SNX29: variants seen among roughly 807,000 people sequenced by gnomAD.
SNX29 encodes sorting nexin 29.
Under a neutral mutation model 102.1 loss-of-function variants are expected in SNX29, and 78 were observed. The observed-to-expected ratio is 0.76, with a 90% CI of 0.64 to 0.92. The LOEUF is 0.92. SNX29 is among the 40% of genes least tolerant of loss of function. The probability of loss-of-function intolerance (pLI) is 0.00; values close to 1 mark genes in which losing one functional copy is unlikely to be tolerated. For synonymous variants in SNX29, 580 were observed against 414.5 expected (o/e 1.40, Z -4.85); for missense variants, 1,280 against 1,061.7 (o/e 1.21, Z -2.86).
At chr16:12,443,753 G>A (rs1036986567) in intron 18 of SNX29, among the ~76,000 whole-genome samples, 3 of 152,208 alleles carry the variant, frequency 2.0e-5, no homozygotes, top group African/African-American at 4.8e-5. Context: ...ACCCGGCCAA[G>A]CACGACTTTT....
At chr16:12,477,422 GC>G (rs537809572) in intron 18 of SNX29, among the ~76,000 whole-genome samples, 1 of 152,218 alleles carries the variant, frequency 6.6e-6, no homozygotes, top group Non-Finnish European at 1.5e-5. Context: ...ACACATGACA[GC>G]AACATGAAAC....
At chr16:12,466,573 G>A (rs2087062467) in intron 18 of SNX29, among the ~76,000 whole-genome samples, 1 of 152,172 alleles carries the variant, frequency 6.6e-6, no homozygotes, top group Non-Finnish European at 1.5e-5. Context: ...GAGCGTCTTT[G>A]AAAGGGGCCT....
intron 20 of SNX29, among the ~76,000 whole-genome samples, chr16:12,537,143 C>T (rs1439127969): frequency 6.6e-6 from 1 of 152,132 alleles, no homozygotes; most frequent in East Asian, 1.9e-4. Context: ...ATCTCAGAGG[C>T]TGGGACTCTG....
intron 13 of SNX29, among the ~76,000 whole-genome samples, chr16:12,183,003 T>G (rs2076425573): frequency 6.6e-6 from 1 of 151,928 alleles, no homozygotes; most frequent in Admixed American, 6.6e-5. Context: ...TCATCACTCT[T>G]TTTTCATGGT....
Position 12,432,038 on chromosome 16 carries a change from G to A in SNX29, c.2037+28509G>A, listed in dbSNP as rs146397882. Among the ~76,000 whole-genome samples the A allele has an allele frequency of 4.7e-3, 721 of 152,314 alleles. 9 individuals are homozygous for A. The highest frequency in any genetic ancestry group is 0.017 in the African/African-American group (687 of 41,570). On this transcript the variant is annotated intron_variant, in intron 18 of 20. Coordinates refer to ENST00000566228, the MANE Select transcript of SNX29 (RefSeq NM_032167.5). ...GGCTTAATAAACAGTTCAGCAAATAGCACTTTACTTTTATTCAGCAATGAG... is the reference window on the plus strand; with the variant it reads ...GGCTTAATAAACAGTTCAGCAAATAACACTTTACTTTTATTCAGCAATGAG...
chr16:12,194,022 A>C (rs2076709777), intron 13 of SNX29, among the ~76,000 whole-genome samples: 1 of 152,188 alleles, frequency 6.6e-6, no homozygotes, highest in South Asian at 2.1e-4. Flanking sequence ...CTATATCTAT[A>C]AGAAATCCTG....
chr16:12,311,146 A>G (rs2080528161), intron 15 of SNX29, among the ~76,000 whole-genome samples: 6 of 152,246 alleles, frequency 3.9e-5, no homozygotes, highest in Admixed American at 3.9e-4. Flanking sequence ...TAAAAAATTA[A>G]GCTCTTCATT....
At chr16:12,413,683 C>T (rs1448109611) in intron 18 of SNX29, among the ~76,000 whole-genome samples, 4 of 152,116 alleles carry the variant, frequency 2.6e-5, no homozygotes, top group Non-Finnish European at 4.4e-5. Context: ...CCTGTTGAGT[C>T]GTCTTGGAGG....
intron 18 of SNX29, among the ~76,000 whole-genome samples, chr16:12,443,519 C>G (rs1183534759): frequency 6.6e-6 from 1 of 152,162 alleles, no homozygotes; most frequent in African/African-American, 2.4e-5. Flanking sequence ...GTGGTGCTAT[C>G]TTGGTTCACT....
At chr16:12,438,890 G>T (rs2085663292) in intron 18 of SNX29, among the ~76,000 whole-genome samples, 1 of 152,208 alleles carries the variant, frequency 6.6e-6, no homozygotes, top group Non-Finnish European at 1.5e-5. Flanking sequence ...GGAAGAACTG[G>T]AAGATCTACC....
At chr16:12,361,953 C>T (rs1334644019) in intron 16 of SNX29, among the ~76,000 whole-genome samples, 2 of 152,074 alleles carry the variant, frequency 1.3e-5, no homozygotes, top group African/African-American at 2.4e-5. Context: ...CTTTATTGCG[C>T]CTATACATGT....
intron 15 of SNX29, among the ~76,000 whole-genome samples, chr16:12,322,270 C>G (rs966086041): frequency 6.6e-6 from 1 of 152,150 alleles, no homozygotes; most frequent in African/African-American, 2.4e-5. Context: ...CACGCTGGAG[C>G]TGGGCGAGGA....
chr16:12,011,732 A>G (rs1273865535), intron 3 of SNX29, among the ~76,000 whole-genome samples: 1 of 152,112 alleles, frequency 6.6e-6, no homozygotes, highest in East Asian at 1.9e-4. Flanking sequence ...ATGGGGTGTG[A>G]GCTTTGGTGT....
rs911683281 is a variant in SNX29 at position 12,346,485 on chromosome 16, A to T, written c.1783-9678A>T. Among the ~76,000 whole-genome samples, 8 of 152,138 alleles carry T rather than the reference A, an allele frequency of 5.3e-5. 1 individual carries two copies. In the South Asian group the frequency reaches 1.0e-3, roughly 20 times the overall value. On this transcript the variant is annotated intron_variant, in intron 15 of 20. Transcript: ENST00000566228. ...GTGGAGGTAAGTTGCCCAAAGTCAC[A>T]TCTAGGGAGTCAGGAATGGTGGGTT... is the stretch of plus-strand genomic sequence containing the variant.
intron 13 of SNX29, chr16:12,135,429 G>C (rs1015801487): frequency 1.9e-6 from 2 of 1,029,110 alleles, no homozygotes; most frequent in Non-Finnish European, 2.7e-6. Context: ...CTGGACAGTT[G>C]GGTTGCTCCA....
intron 16 of SNX29, among the ~76,000 whole-genome samples, chr16:12,356,911 A>G (rs2082151643): frequency 6.6e-6 from 1 of 152,230 alleles, no homozygotes; most frequent in African/African-American, 2.4e-5. Flanking sequence ...TGTCCTCTGC[A>G]TTTCAGAACC....
At chr16:12,172,472 A>T (rs1378888803) in intron 13 of SNX29, among the ~76,000 whole-genome samples, 1 of 152,024 alleles carries the variant, frequency 6.6e-6, no homozygotes, top group Non-Finnish European at 1.5e-5. Context: ...CACCTCTACC[A>T]TCTGGCAGAG....
At chr16:12,534,104 C>T (rs774287983) in intron 20 of SNX29, among the ~76,000 whole-genome samples, 9 of 152,200 alleles carry the variant, frequency 5.9e-5, no homozygotes, top group Admixed American at 1.3e-4. Context: ...CAGGGGATCG[C>T]GATGACAAGG....
chr16:12,442,285 G>A (rs970997522), intron 18 of SNX29, among the ~76,000 whole-genome samples: 4 of 152,202 alleles, frequency 2.6e-5, no homozygotes, highest in Admixed American at 6.5e-5. Flanking sequence ...CTCTATGCCT[G>A]TCCTTCTGAC....
Sources: gnomAD v4.1 joint callset for allele counts (sites outside exome capture counted in the v4.1 genomes callset) on GRCh38, gnomAD v4.1.1 for gene constraint, MANE v1.5 for transcripts, NCBI Gene and HGNC (gene_info 2026-07-23, HGNC 2026-07-21) for gene names.